The following RIMS1 variants were observed in gnomAD, a reference collection of about 807,000 sequenced individuals.
RIMS1 encodes regulating synaptic membrane exocytosis protein 1.
A neutral mutation model predicts 214.1 loss-of-function variants in RIMS1; 83 were observed. That is an observed-to-expected ratio of 0.39 (90% CI 0.32 to 0.47). The LOEUF is 0.47. RIMS1 is among the 20% of genes least tolerant of loss of function. The probability of loss-of-function intolerance (pLI) is 0.99; values close to 1 mark genes in which losing one functional copy is unlikely to be tolerated. For synonymous variants in RIMS1, 793 were observed against 786.8 expected (o/e 1.01, Z -0.13); for missense variants, 2,050 against 2,161.8 (o/e 0.95, Z 1.03).
rs193171008 is a variant in RIMS1 at position 72,008,684 on chromosome 6, A to G, written c.245+39621A>G. 2.3e-4 allele frequency among the ~76,000 whole-genome samples: 35 copies of G among 152,348 alleles called. No individual in the cohort carries two copies. The East Asian group carries it at 6.6e-3, about 29-fold the overall frequency. On this transcript the variant is annotated intron_variant, in intron 2 of 33. Coordinates refer to ENST00000521978, the MANE Select transcript of RIMS1 (RefSeq NM_014989.7). ...GCAGGGGTTGCAATCCTAGCCTCTA[A>G]TAAAACAGACTGTAAACCAACAAAC...
At chr6:72,390,932 C>A in intron 30 of RIMS1, 196 bp downstream of exon 30, 2 of 478,196 alleles carry the variant, frequency 4.2e-6, no homozygotes, top group Non-Finnish European at 7.2e-6. Context: ...TCATACCTTT[C>A]AAAGGGTGAA....
intron 4 of RIMS1, among the ~76,000 whole-genome samples, chr6:72,157,240 G>T (rs1417011361): frequency 1.4e-5 from 2 of 140,370 alleles, no homozygotes; most frequent in Non-Finnish European, 3.2e-5. Context: ...AATATATAGA[G>T]CATTTGTAGA....
At chr6:72,362,452 C>T (rs2097857548) in intron 29 of RIMS1, among the ~76,000 whole-genome samples, 1 of 151,952 alleles carries the variant, frequency 6.6e-6, no homozygotes, top group Admixed American at 6.6e-5. Flanking sequence ...TTGTGGAAAG[C>T]CCTCTTGAAG....
intron 6 of RIMS1, among the ~76,000 whole-genome samples, chr6:72,224,088 A>T (rs551094227): frequency 7.3e-4 from 111 of 152,308 alleles, no homozygotes; most frequent in African/African-American, 2.5e-3. Context: ...TATGAGAATC[A>T]TCGTCACCAT....
At chr6:72,302,189 C>T (rs933091791) in intron 26 of RIMS1, among the ~76,000 whole-genome samples, 6 of 151,418 alleles carry the variant, frequency 4.0e-5, no homozygotes, top group African/African-American at 1.4e-4. Flanking sequence ...GGACTGTAAT[C>T]TATGCCTAGT....
At chr6:72,282,304 C>T (rs2090491373) in intron 23 of RIMS1, among the ~76,000 whole-genome samples, 3 of 152,082 alleles carry the variant, frequency 2.0e-5, no homozygotes, top group South Asian at 4.1e-4. Flanking sequence ...CTTATGCCTT[C>T]TTCCCTGTGC....
chr6:72,346,820 A>G (rs189676193), intron 29 of RIMS1, among the ~76,000 whole-genome samples: 224 of 151,948 alleles, frequency 1.5e-3, no homozygotes, highest in Non-Finnish European at 2.3e-3. Flanking sequence ...ATCTTCATTC[A>G]TTTACATGTT....
chr6:72,307,125 A>T, intron 26 of RIMS1, 133 bp from the exon 27 acceptor site: 1 of 623,556 alleles, frequency 1.6e-6, no homozygotes, highest in Non-Finnish European at 2.9e-6. Context: ...ATTTTTGTTT[A>T]ATTTATTAAT....
chr6:72,038,105 AAAAAAAAAAAAAAATATATAT>A (rs1169837342), intron 2 of RIMS1, among the ~76,000 whole-genome samples: 2 of 84,624 alleles, frequency 2.4e-5, no homozygotes, highest in African/African-American at 5.8e-5. Context: ...AAAAAAAAAA[AAAAAAAAAAAAAAATATATAT>A]ATATATATAT....
chr6:72,304,480 T>C (rs1004345434), intron 26 of RIMS1, among the ~76,000 whole-genome samples: 2 of 151,836 alleles, frequency 1.3e-5, no homozygotes, highest in African/African-American at 2.4e-5. Context: ...ATATAACTTA[T>C]TGGAATCGTG....
At chr6:72,338,297 A>G (rs1210200999) in intron 29 of RIMS1, among the ~76,000 whole-genome samples, 1 of 151,902 alleles carries the variant, frequency 6.6e-6, no homozygotes, top group Non-Finnish European at 1.5e-5. Flanking sequence ...CTGGTGTAAG[A>G]TGGTATCTGA....
chr6:72,269,805 C>G (rs1294711145), intron 22 of RIMS1, among the ~76,000 whole-genome samples: 1 of 152,102 alleles, frequency 6.6e-6, no homozygotes, highest in East Asian at 1.9e-4. Context: ...TAACTTATAT[C>G]TCATTTTCTT....
chr6:72,179,992 C>A, intron 5 of RIMS1, 77 bp downstream of exon 5: 1 of 1,017,212 alleles, frequency 9.8e-7, no homozygotes, highest in Non-Finnish European at 1.4e-6. Context: ...AATTTAACTT[C>A]TATTACGAGG....
chr6:72,185,668 G>A (rs547155858), intron 6 of RIMS1, among the ~76,000 whole-genome samples: 30 of 152,348 alleles, frequency 2.0e-4, no homozygotes, highest in African/African-American at 7.0e-4. Context: ...ATCCTTCTAT[G>A]ATAGAGACAA....
chr6:72,038,118 A>AAAAT (rs1820399900), intron 2 of RIMS1, among the ~76,000 whole-genome samples: 5 of 13,418 alleles, frequency 3.7e-4, no homozygotes, highest in Non-Finnish European at 6.0e-4. Flanking sequence ...AAAAAAAAAA[A>AAAAT]ATATATATAT....
At chr6:72,259,737 G>A (rs9360544) in intron 18 of RIMS1, among the ~76,000 whole-genome samples, 107,484 of 152,056 alleles carry the variant, frequency 0.71, 38,852 homozygotes, top group East Asian at 0.98. Flanking sequence ...GTTGCTCTGC[G>A]TGCCCACAGA....
At chr6:71,888,751 C>T (rs915882342) in intron 1 of RIMS1, among the ~76,000 whole-genome samples, 4 of 152,200 alleles carry the variant, frequency 2.6e-5, no homozygotes, top group Admixed American at 6.5e-5. Flanking sequence ...CCATTAACTC[C>T]GAAGGCCAGA....
At chr6:72,207,250 T>C (rs1179172530) in intron 6 of RIMS1, among the ~76,000 whole-genome samples, 3 of 152,160 alleles carry the variant, frequency 2.0e-5, no homozygotes, top group Admixed American at 6.5e-5. Flanking sequence ...ACTTCTCACA[T>C]AGAGAGGACA....
At chr6:71,951,627 T>C (rs1789597807) in intron 1 of RIMS1, among the ~76,000 whole-genome samples, 1 of 150,298 alleles carries the variant, frequency 6.7e-6, no homozygotes. Context: ...AGTAGCTAGG[T>C]AGGACCACAG....
Sources: allele counts gnomAD v4.1 joint callset (sites outside exome capture counted in the v4.1 genomes callset), GRCh38; gene constraint gnomAD v4.1.1; transcripts MANE v1.5; gene names NCBI Gene and HGNC (gene_info 2026-07-23, HGNC 2026-07-21).